Variants in ERN1 observed in about 807,000 individuals in gnomAD.
ERN1 encodes endoplasmic reticulum to nucleus signaling 1, also known as serine/threonine-protein kinase/endoribonuclease IRE1.
ERN1 carries 39 observed loss-of-function variants against 113.1 expected under a neutral mutation model. The observed-to-expected ratio is 0.34, with a 90% confidence interval of 0.27 to 0.45. ERN1 has a LOEUF of 0.45. Among genes scored for constraint, ERN1 ranks in the 20% least tolerant of loss-of-function variants. The pLI, the probability that ERN1 is intolerant of heterozygous loss-of-function variation, is 1.00. For synonymous variants in ERN1, 507 were observed against 515.9 expected (o/e 0.98, Z 0.23); for missense variants, 976 against 1,274.8 (o/e 0.77, Z 3.57).
chr17:64,071,453 T>C (rs1913414105), intron 6 of ERN1, among the ~76,000 whole-genome samples: 1 of 151,874 alleles, frequency 6.6e-6, no homozygotes, highest in South Asian at 2.1e-4. Context: ...GGAGTTTTAC[T>C]CTTGTTGCCC....
At position 64,066,707 on chromosome 17, in the gene ERN1, G is replaced by A. The variant is rs777538073; in HGVS notation, c.806C>T (p.Pro269Leu). ...CTTGGCCTCTGTCTCCTTGGGGAACGGGTACTTCCACTTTGTGATGCGCCC... is the reference window on the plus strand; with the variant it reads ...CTTGGCCTCTGTCTCCTTGGGGAACAGGTACTTCCACTTTGTGATGCGCCC... Reference protein sequence around the residue: ...EVGRITKWKYPFPKETEAKSK... With the variant: ...EVGRITKWKYLFPKETEAKSK... The change falls in exon 8 of 22, where the codon CCG becomes CTG. Residue 269 changes from proline (P) to leucine (L), a missense_variant. By Grantham distance (98) the Pro-to-Leu change is moderately conservative. Coordinates refer to ENST00000433197, the MANE Select transcript of ERN1 (RefSeq NM_001433.5). The A allele has an allele frequency of 8.7e-6, 14 of 1,613,762 alleles. No individual in the cohort carries two copies. Among genetic ancestry groups the A allele is most frequent in the Admixed American group, 1.7e-5 (1 of 59,988 alleles).
rs756980807 is a variant in ERN1 at position 64,053,995 on chromosome 17, A to C, written c.1953+255T>G. ...CACTCTGTTGTCCAGGCTGGAGTGCAGTGGCACAATCACTGCTTACTGCAG... is the reference window on the plus strand; with the variant it reads ...CACTCTGTTGTCCAGGCTGGAGTGCCGTGGCACAATCACTGCTTACTGCAG... On this transcript the variant is annotated intron_variant, in intron 15 of 21. Coordinates refer to ENST00000433197, the MANE Select transcript of ERN1 (RefSeq NM_001433.5). 5 of 413,636 alleles carry C rather than the reference A, an allele frequency of 1.2e-5. No individual in the cohort carries two copies. The South Asian group carries it at 1.6e-4, about 14-fold the overall frequency. 25.6% of individuals were successfully genotyped at this position (413,636 alleles called of 1,614,324 possible). A position where few individuals can be genotyped will look rare whatever the true frequency, so the allele number is the denominator to read the frequency against.
chr17:64,066,885 C>T lies in ERN1; in HGVS notation c.628G>A (p.Asp210Asn). 1.9e-6 allele frequency: 3 copies of T among 1,613,894 alleles called. No individual in the cohort carries two copies. Among genetic ancestry groups the T allele is most frequent in the Non-Finnish European group, 2.5e-6 (3 of 1,179,852 alleles). Residue 210 changes from aspartate (D) to asparagine (N), a missense_variant, in exon 8 of 22, where the codon GAC becomes AAC. Asp to Asn is a conservative substitution (Grantham distance 23, BLOSUM62 1). Transcript: ENST00000433197. ...CACAGGACGTCCCCAGATTCACTGT[C>T]CACAGTCACCACCAGCCCATCACCA... Reference protein sequence around the residue: ...SNGDGLVVTVDSESGDVLWIQ... With the variant: ...SNGDGLVVTVNSESGDVLWIQ...
intron 4 of ERN1, 39 bp from the exon 5 acceptor site, chr17:64,075,286 A>T: frequency 6.9e-7 from 1 of 1,453,008 alleles, no homozygotes; most frequent in Non-Finnish European, 9.1e-7. Context: ...AAGTTAACCA[A>T]GTCTTGTGCA....
chr17:64,104,075 C>CAA (rs112224039), intron 1 of ERN1, among the ~76,000 whole-genome samples: 31 of 121,376 alleles, frequency 2.6e-4, no homozygotes, highest in African/African-American at 6.1e-4. Context: ...CCCATCTTGA[C>CAA]AAAAAAAAAA....
At chr17:64,092,768 C>G (rs1456679907) in intron 2 of ERN1, among the ~76,000 whole-genome samples, 3 of 152,152 alleles carry the variant, frequency 2.0e-5, no homozygotes, top group Non-Finnish European at 4.4e-5. Flanking sequence ...TCAAGAAGCC[C>G]TACACCAGCC....
chr17:64,127,703 G>A (rs1038018110), intron 1 of ERN1, among the ~76,000 whole-genome samples: 10 of 148,916 alleles, frequency 6.7e-5, no homozygotes, highest in Non-Finnish European at 1.5e-4. Flanking sequence ...GCAGTGAGCT[G>A]AGACCACACC....
chr17:64,052,671 C>T (rs1445742809), intron 17 of ERN1, 109 bp downstream of exon 17: 2 of 944,916 alleles, frequency 2.1e-6, no homozygotes, highest in Non-Finnish European at 3.1e-6. Flanking sequence ...GAATGCCATT[C>T]TCCAGCTACA....
intron 2 of ERN1, among the ~76,000 whole-genome samples, chr17:64,089,919 TA>T (rs942837885): frequency 9.4e-5 from 14 of 148,624 alleles, no homozygotes; most frequent in African/African-American, 2.0e-4. Flanking sequence ...GTTTTCTTAT[TA>T]AAAAAAAAAA....
At chr17:64,052,103 T>C (rs773456025) in intron 17 of ERN1, among the ~76,000 whole-genome samples, 2 of 152,224 alleles carry the variant, frequency 1.3e-5, no homozygotes, top group Admixed American at 6.5e-5. Context: ...CTGTGGCTCA[T>C]GTCTGCAATC....
chr17:64,111,359 T>TC (rs1421764662), intron 1 of ERN1, among the ~76,000 whole-genome samples: 17 of 148,308 alleles, frequency 1.1e-4, no homozygotes, highest in Non-Finnish European at 1.9e-4. Flanking sequence ...CATCCAATGT[T>TC]TTTTTTTTTT....
intron 12 of ERN1, among the ~76,000 whole-genome samples, chr17:64,056,185 T>C (rs1204948562): frequency 2.6e-5 from 4 of 152,224 alleles, no homozygotes; most frequent in African/African-American, 9.6e-5. Flanking sequence ...TAGGAGGGGC[T>C]GGATGGCCAC....
intron 10 of ERN1, among the ~76,000 whole-genome samples, chr17:64,062,291 T>C (rs1404702667): frequency 6.6e-6 from 1 of 152,270 alleles, no homozygotes; most frequent in African/African-American, 2.4e-5. Context: ...CTCAAGCTAA[T>C]TGGATCCTTG....
Position 64,053,351 on chromosome 17 carries a change from A to T in ERN1, c.1974T>A (p.Phe658Leu). The T allele has an allele frequency of 6.2e-7, 1 of 1,610,906 alleles. No homozygotes were observed. The highest frequency in any genetic ancestry group is 8.5e-7 in the Non-Finnish European group (1 of 1,178,508). ...TLQEYVEQKD[F>L]AHLGLEPITL... ...TGATGGGCTCCAGGCCGAGATGCGC[A>T]AAGTCCTTCTGCTCCACATACTGCA... Residue 658 changes from phenylalanine (F) to leucine (L), a missense_variant, in exon 16 of 22, where the codon TTT (phenylalanine) becomes TTA (leucine). This residue lies in a region of ERN1 where 297 missense variants were observed against 457.8 expected (regional missense o/e 0.65). Transcript: ENST00000433197.
intron 11 of ERN1, 108 bp downstream of exon 11, chr17:64,060,361 T>C (rs959470140): frequency 1.6e-5 from 12 of 740,050 alleles, no homozygotes; most frequent in Middle Eastern, 2.4e-4. Context: ...TGCATTCCTC[T>C]TCCCTCCCAG....
intron 19 of ERN1, among the ~76,000 whole-genome samples, chr17:64,047,275 T>C (rs1334069252): frequency 6.6e-6 from 1 of 152,174 alleles, no homozygotes; most frequent in Non-Finnish European, 1.5e-5. Flanking sequence ...GGCAGGAGAA[T>C]CACTTGAACC....
At chr17:64,057,309 G>A (rs1313535275) in intron 12 of ERN1, among the ~76,000 whole-genome samples, 1 of 152,152 alleles carries the variant, frequency 6.6e-6, no homozygotes, top group Non-Finnish European at 1.5e-5. Flanking sequence ...TTTCTGGGAG[G>A]CTAGTGTCTC....
At position 64,049,083 on chromosome 17, in the gene ERN1, G is replaced by C. The variant is rs766280194; in HGVS notation, c.2373C>G (p.Ser791Arg). The C allele has an allele frequency of 6.2e-7, 1 of 1,604,284 alleles. No individual in the cohort carries two copies. Among genetic ancestry groups the C allele is most frequent in the Admixed American group, 1.7e-5 (1 of 59,754 alleles). Reference protein sequence around the residue: ...RQANILLGACSLDCLHPEKHE... With the variant: ...RQANILLGACRLDCLHPEKHE... ...GCTTCTCTGGGTGCAAGCAGTCAAG[G>C]CTGCAGGCACCCAGGAGGATGTTGG... The change falls in exon 18 of 22, where the codon AGC becomes AGG. Residue 791 changes from serine to arginine, a missense_variant. Coordinates refer to ENST00000433197, the MANE Select transcript of ERN1 (RefSeq NM_001433.5). This position sits in a 1 kb window ranked among gnomAD's most constrained non-coding sequence, Gnocchi z 4.7.
chr17:64,083,049 A>G (rs1426293639), intron 2 of ERN1, among the ~76,000 whole-genome samples: 1 of 152,154 alleles, frequency 6.6e-6, no homozygotes, highest in African/African-American at 2.4e-5. Context: ...TGTAACAATG[A>G]CCTAATTCTG....
Sources: gnomAD v4.1 joint callset for allele counts (sites outside exome capture counted in the v4.1 genomes callset) on GRCh38, gnomAD v4.1.1 for gene constraint, gnomAD v4.1.1 regional missense constraint, Gnocchi (gnomAD v3.1) non-coding constraint, MANE v1.5 for transcripts, NCBI Gene and HGNC (gene_info 2026-07-23, HGNC 2026-07-21) for gene names.